Variants in CPNE4 observed in about 807,000 individuals in gnomAD.
CPNE4 encodes the protein copine-4.
CPNE4 carries 25 observed loss-of-function variants against 67.9 expected under a neutral mutation model. The observed-to-expected ratio is 0.37, with a 90% CI of 0.27 to 0.51. The LOEUF is 0.51. Among genes scored for constraint, CPNE4 ranks in the 20% least tolerant of loss-of-function variants. CPNE4 has a pLI of 0.93. For synonymous variants in CPNE4, 242 were observed against 244.9 expected (o/e 0.99, Z 0.11); for missense variants, 464 against 690.8 (o/e 0.67, Z 3.68).
chr3:131,877,362 G>A (rs1294596671), intron 2 of CPNE4, among the ~76,000 whole-genome samples: 1 of 152,148 alleles, frequency 6.6e-6, no homozygotes, highest in Non-Finnish European at 1.5e-5. Flanking sequence ...GGAGAAAAAA[G>A]GTAAGAAAGA....
intron 2 of CPNE4, among the ~76,000 whole-genome samples, chr3:131,760,921 A>G (rs1295228419): frequency 6.6e-6 from 1 of 152,150 alleles, no homozygotes; most frequent in Non-Finnish European, 1.5e-5. Flanking sequence ...TCAAAGCAAG[A>G]GAAGAAGATT....
intron 13 of CPNE4, among the ~76,000 whole-genome samples, chr3:131,551,471 T>G (rs1559882987): frequency 2.0e-5 from 3 of 152,002 alleles, no homozygotes; most frequent in Non-Finnish European, 1.5e-5. Flanking sequence ...CATTCTGCTG[T>G]GGGGGAAACC....
intron 2 of CPNE4, among the ~76,000 whole-genome samples, chr3:131,902,166 G>T (rs1423728093): frequency 6.6e-6 from 1 of 151,998 alleles, no homozygotes; most frequent in Non-Finnish European, 1.5e-5. Flanking sequence ...CAATATCAAT[G>T]AACCATATGA....
intron 2 of CPNE4, among the ~76,000 whole-genome samples, chr3:131,799,028 T>C (rs892660113): frequency 4.6e-5 from 7 of 152,192 alleles, no homozygotes; most frequent in Non-Finnish European, 1.0e-4. Flanking sequence ...GACACTTTTT[T>C]TTCAAACTCT....
At chr3:131,987,659 A>T (rs2073087301) in intron 1 of CPNE4, among the ~76,000 whole-genome samples, 1 of 152,146 alleles carries the variant, frequency 6.6e-6, no homozygotes. Flanking sequence ...AAGTGCTGGG[A>T]TTAGAATAAA....
intron 1 of CPNE4, among the ~76,000 whole-genome samples, chr3:131,941,070 T>C (rs1178516244): frequency 6.6e-6 from 1 of 152,092 alleles, no homozygotes; most frequent in Non-Finnish European, 1.5e-5. Context: ...CATTTTAAAA[T>C]TAATTATTTC....
intron 1 of CPNE4, among the ~76,000 whole-genome samples, chr3:131,936,862 C>T (rs1307253803): frequency 1.3e-5 from 2 of 150,242 alleles, no homozygotes; most frequent in Non-Finnish European, 3.0e-5. Context: ...AGGAAACAAG[C>T]AGGAAGGGAA....
At chr3:131,787,469 C>T (rs2083598619) in intron 2 of CPNE4, among the ~76,000 whole-genome samples, 1 of 152,138 alleles carries the variant, frequency 6.6e-6, no homozygotes, top group African/African-American at 2.4e-5. Context: ...TATATCCCAG[C>T]CCCACTAATT....
At chr3:132,018,807 T>C (rs1294547794) in intron 1 of CPNE4, among the ~76,000 whole-genome samples, 3 of 152,182 alleles carry the variant, frequency 2.0e-5, no homozygotes, top group South Asian at 2.1e-4. Flanking sequence ...ATCATTGTCA[T>C]GAAATTGAAA....
upstream of CPNE4, chr3:132,035,077 C>G: frequency 1.0e-6 from 1 of 985,318 alleles, no homozygotes; most frequent in South Asian, 4.7e-5. Context: ...CGAGCGCCCC[C>G]TGGGGGTTGC....
Position 131,958,609 on chromosome 3 carries a change from C to CTTTTTTTTTTT in CPNE4, c.-1-53176_-1-53166dup, listed in dbSNP as rs748126986. Among the ~76,000 whole-genome samples the CTTTTTTTTTTT allele has an allele frequency of 2.8e-3, 266 of 95,954 alleles. 32 individuals carry two copies. Among genetic ancestry groups the CTTTTTTTTTTT allele is most frequent in the Middle Eastern group, 0.017 (3 of 176 alleles). The allele number at this position is 95,954 out of a possible 152,430, so 62.9% of individuals were successfully genotyped here. On this transcript the variant is annotated intron_variant, in intron 1 of 15. Transcript: ENST00000429747. ...CAATTGATACACCTTTCTTTCTTTT[C>CTTTTTTTTTTT]TTTTTTTTTTTTTTTTTTTTTTTTT...
chr3:131,925,986 GAATA>G (rs1339641982), intron 1 of CPNE4, among the ~76,000 whole-genome samples: 1 of 152,098 alleles, frequency 6.6e-6, no homozygotes, highest in Non-Finnish European at 1.5e-5. Context: ...TCTGCAGATG[GAATA>G]AAGAGACTAA....
chr3:131,973,683 C>A (rs1480311945), intron 1 of CPNE4, among the ~76,000 whole-genome samples: 1 of 152,180 alleles, frequency 6.6e-6, no homozygotes, highest in Non-Finnish European at 1.5e-5. Flanking sequence ...TGAATGACTT[C>A]TCCCACATCA....
At chr3:131,932,771 G>C (rs984886251) in intron 1 of CPNE4, among the ~76,000 whole-genome samples, 4 of 151,930 alleles carry the variant, frequency 2.6e-5, no homozygotes, top group Non-Finnish European at 5.9e-5. Flanking sequence ...TGAAGAGCAT[G>C]CACTGGGAGG....
At chr3:131,562,009 T>C (rs1179685828) in intron 11 of CPNE4, among the ~76,000 whole-genome samples, 1 of 152,040 alleles carries the variant, frequency 6.6e-6, no homozygotes, top group Non-Finnish European at 1.5e-5. Context: ...GAAAAAAGAA[T>C]TGCTCCACTG....
At chr3:132,014,068 C>G (rs2073834777) in intron 1 of CPNE4, among the ~76,000 whole-genome samples, 1 of 152,340 alleles carries the variant, frequency 6.6e-6, no homozygotes, top group South Asian at 2.1e-4. Context: ...CTGCTCCACT[C>G]TCCCATGATG....
chr3:131,785,434 T>A (rs1444376008), intron 2 of CPNE4, among the ~76,000 whole-genome samples: 1 of 152,102 alleles, frequency 6.6e-6, no homozygotes, highest in Non-Finnish European at 1.5e-5. Flanking sequence ...TGAGGCCTAC[T>A]GTGACGCCAT....
intron 7 of CPNE4, among the ~76,000 whole-genome samples, chr3:131,654,694 T>C (rs564256319): frequency 2.0e-5 from 3 of 152,320 alleles, no homozygotes; most frequent in Non-Finnish European, 2.9e-5. Context: ...CAGGAAGGCA[T>C]GCGATGAATT....
At chr3:131,908,882 A>C (rs2107784408) in intron 1 of CPNE4, among the ~76,000 whole-genome samples, 1 of 152,258 alleles carries the variant, frequency 6.6e-6, no homozygotes, top group African/African-American at 2.4e-5. Context: ...GAGGTGCTGT[A>C]AAGAGCAGAT....
Sources: gnomAD v4.1 joint callset for allele counts (sites outside exome capture counted in the v4.1 genomes callset) on GRCh38, gnomAD v4.1.1 for gene constraint, MANE v1.5 for transcripts, NCBI Gene and HGNC (gene_info 2026-07-23, HGNC 2026-07-21) for gene names.